Variants in SUGT1 observed in about 807,000 individuals in gnomAD.
SUGT1 encodes SGT1 assembly cochaperone of MIS12 kinetochore complex.
SUGT1 carries 15 observed loss-of-function variants against 56.1 expected under a neutral mutation model. The ratio of observed to expected loss-of-function variants is 0.27; its 90% CI spans 0.18 to 0.41. SUGT1 has a LOEUF of 0.41. SUGT1 is among the 10% of genes least tolerant of loss of function. The pLI is 1.00. For synonymous variants in SUGT1, 123 were observed against 128.6 expected (o/e 0.96, Z 0.30); for missense variants, 347 against 382.2 (o/e 0.91, Z 0.77).
At chr13:52,660,073 C>T (rs556826692) in intron 5 of SUGT1, among the ~76,000 whole-genome samples, 6 of 151,718 alleles carry the variant, frequency 4.0e-5, no homozygotes, top group African/African-American at 1.4e-4. Flanking sequence ...TTGTGATCCA[C>T]CCTCCTCGGC....
intron 12 of SUGT1, among the ~76,000 whole-genome samples, chr13:52,683,518 A>G (rs1963456080): frequency 6.6e-6 from 1 of 152,004 alleles, no homozygotes; most frequent in Non-Finnish European, 1.5e-5. Context: ...GTTATGGGTT[A>G]TTGTGTCTAT....
chr13:52,665,424 A>G (rs1240081715), intron 8 of SUGT1, among the ~76,000 whole-genome samples: 1 of 152,204 alleles, frequency 6.6e-6, no homozygotes, highest in Admixed American at 6.5e-5. Context: ...AGTCTACTGG[A>G]AAGGTGTGAG....
chr13:52,669,788 A>T (rs1285030831), intron 10 of SUGT1, among the ~76,000 whole-genome samples: 5 of 152,146 alleles, frequency 3.3e-5, no homozygotes, highest in South Asian at 2.1e-4. Flanking sequence ...AAATTGAAAG[A>T]AGTTTTCTTA....
intron 2 of SUGT1, among the ~76,000 whole-genome samples, chr13:52,657,285 A>C (rs1962213530): frequency 6.6e-6 from 1 of 152,236 alleles, no homozygotes; most frequent in Admixed American, 6.5e-5. Context: ...TAAGTTCTAT[A>C]GACCAGGAAC....
At chr13:52,674,688 A>G (rs1963074751) in intron 10 of SUGT1, among the ~76,000 whole-genome samples, 1 of 152,182 alleles carries the variant, frequency 6.6e-6, no homozygotes, top group African/African-American at 2.4e-5. Context: ...TCCCATTTAC[A>G]AAAGTAGTGA....
intron 5 of SUGT1, among the ~76,000 whole-genome samples, chr13:52,659,814 A>ATATATTT (rs1555271105): frequency 1.7e-5 from 1 of 58,720 alleles, no homozygotes; most frequent in African/African-American, 7.4e-5. Flanking sequence ...ATATATATAT[A>ATATATTT]TTTTTTTTTT....
At chr13:52,663,967 A>G in intron 7 of SUGT1, 68 bp from the exon 8 acceptor site, 2 of 1,426,894 alleles carry the variant, frequency 1.4e-6, no homozygotes, top group South Asian at 2.4e-5. Context: ...CATTTTAATA[A>G]TACAGTTGCT....
In SUGT1 at chr13:52,700,511, G is replaced by A. The variant is rs1964050667; in HGVS notation, c.*12676G>A. ...GTATTATACTGGACTTTCTCAAAAT[G>A]AAGTACACCTATATATGCATATAGT... On this transcript the variant is annotated 3_prime_UTR_variant, in exon 13 of 13. Coordinates refer to ENST00000310528, the MANE Select transcript of SUGT1 (RefSeq NM_006704.5). 6.6e-6 allele frequency: 1 copy of A among 152,092 alleles called. No individual in the cohort carries two copies. The highest frequency in any genetic ancestry group is 6.6e-5 in the Admixed American group (1 of 15,264). 9.4% of individuals were successfully genotyped at this position (152,092 alleles called of 1,614,324 possible).
intron 8 of SUGT1, 108 bp downstream of exon 8, chr13:52,664,165 T>G: frequency 8.2e-7 from 1 of 1,221,170 alleles, no homozygotes; most frequent in South Asian, 1.4e-5. Flanking sequence ...TTTAAGTTTT[T>G]GTTTGTTTTC....
At chr13:52,673,565 T>C (rs9536232) in intron 10 of SUGT1, among the ~76,000 whole-genome samples, 5,456 of 152,340 alleles carry the variant, frequency 0.036, 130 homozygotes, top group South Asian at 0.064. Flanking sequence ...AAAGTCCTCT[T>C]TGTTCATACT....
At position 52,694,337 on chromosome 13, in the gene SUGT1, A is replaced by G. The variant is rs1281983425; in HGVS notation, c.*6502A>G. 6.6e-6 allele frequency: 1 copy of G among 152,238 alleles called. No individual in the cohort carries two copies. Among genetic ancestry groups the G allele is most frequent in the African/African-American group, 2.4e-5 (1 of 41,462 alleles). The allele number at this position is 152,238 out of a possible 1,614,324, so 9.4% of individuals were successfully genotyped here. A position where few individuals can be genotyped will look rare whatever the true frequency, so the allele number is the denominator to read the frequency against. On this transcript the variant is annotated 3_prime_UTR_variant, in exon 13 of 13. Transcript: ENST00000310528. ...GTGGAATTCTGTCTGAGGAAAGTAT[A>G]TCACCTAGTTAACAATTGTTACTGT... is the stretch of plus-strand genomic sequence containing the variant.
chr13:52,667,296 C>T (rs139542527), intron 10 of SUGT1, among the ~76,000 whole-genome samples: 237 of 152,308 alleles, frequency 1.6e-3, no homozygotes, highest in African/African-American at 4.9e-3. Flanking sequence ...CACCCTACCT[C>T]ATGCAGTTAA....
chr13:52,661,710 A>C (rs1962465161), intron 5 of SUGT1: 2 of 295,892 alleles, frequency 6.8e-6, no homozygotes, highest in South Asian at 5.2e-5. Flanking sequence ...GTTACTGATT[A>C]CTTAAAATAA....
chr13:52,663,246 T>A, intron 7 of SUGT1, 134 bp downstream of exon 7: 1 of 788,018 alleles, frequency 1.3e-6, no homozygotes, highest in Non-Finnish European at 1.9e-6. Context: ...CTGGTTCCTC[T>A]AGGCACTGAA....
At position 52,665,637 on chromosome 13, in the gene SUGT1, G is replaced by A. The variant is rs760001337; in HGVS notation, c.423G>A (p.Lys141=). 15 of 1,551,516 alleles carry A rather than the reference G, an allele frequency of 9.7e-6. No individual in the cohort carries two copies. The African/African-American group carries it at 1.4e-4, about 15-fold the overall frequency. The part of the protein sequence containing the change: ...SEVWTHQSKI[K]YDWYQTESQV... The stretch of plus-strand genomic sequence containing the variant: ...TAAGTTTCTTTTTTTTTTTTAATAG[G>A]TATGACTGGTATCAAACAGAATCTC... Residue 141 remains lysine (K), a splice_region_variant and synonymous_variant, in exon 9 of 13, where the codon AAG becomes AAA. Transcript: ENST00000310528.
chr13:52,666,921 T>C lies in SUGT1; in HGVS notation c.627+2T>C. On this transcript the variant is annotated splice_donor_variant, in intron 10 of 12. Transcript: ENST00000310528. LOFTEE classifies it high-confidence loss of function. ...ACGTTTAAAGTACTTTCAACAAAGG[T>C]AAGACCATTGAAAAGTTTGTTACTA... 1 of 1,598,590 alleles carries C rather than the reference T, an allele frequency of 6.3e-7. No individual in the cohort carries two copies. Among genetic ancestry groups the C allele is most frequent in the Non-Finnish European group, 8.5e-7 (1 of 1,171,248 alleles).
At chr13:52,666,685 T>C in intron 9 of SUGT1, 127 bp from the exon 10 acceptor site, 1 of 687,036 alleles carries the variant, frequency 1.5e-6, no homozygotes, top group Non-Finnish European at 2.4e-6. Context: ...TTCTTAAATC[T>C]AAAATTCCAT....
chr13:52,659,872 A>G (rs2138114132), intron 5 of SUGT1, among the ~76,000 whole-genome samples: 1 of 121,788 alleles, frequency 8.2e-6, no homozygotes, highest in African/African-American at 3.1e-5. Flanking sequence ...TCTGTCGCCC[A>G]GGCTGGAGTG....
chr13:52,677,726 T>C (rs61644578), intron 11 of SUGT1, among the ~76,000 whole-genome samples: 2,347 of 152,062 alleles, frequency 0.015, 61 homozygotes, highest in African/African-American at 0.053. Context: ...GTCTACTTGT[T>C]GCATACTGCT....
Sources: gnomAD v4.1 joint callset for allele counts (sites outside exome capture counted in the v4.1 genomes callset) on GRCh38, gnomAD v4.1.1 for gene constraint, MANE v1.5 for transcripts, NCBI Gene and HGNC (gene_info 2026-07-23, HGNC 2026-07-21) for gene names.